RPS6KA3: variants seen among roughly 807,000 people sequenced by gnomAD.
RPS6KA3 encodes ribosomal protein S6 kinase A3.
Under a neutral mutation model 67.2 loss-of-function variants are expected in RPS6KA3, and 4 were observed. The ratio of observed to expected loss-of-function variants is 0.06; its 90% CI spans 0.03 to 0.14. The LOEUF (loss-of-function observed/expected upper bound fraction) is 0.14, where lower values mean the gene tolerates loss of function less well. Ranked by LOEUF, RPS6KA3 falls within the 10% of genes least tolerant of loss-of-function variation. The probability of loss-of-function intolerance (pLI) is 1.00; values close to 1 mark genes in which losing one functional copy is unlikely to be tolerated. For missense variants in RPS6KA3, 204 were observed against 559.0 expected (o/e 0.36, Z 6.40); for synonymous variants, 182 against 183.7 (o/e 0.99, Z 0.07).
At chrX:20,227,704 G>A (rs1397127244) in intron 2 of RPS6KA3, among the ~76,000 whole-genome samples, 3 of 109,554 alleles carry the variant, frequency 2.7e-5, no homozygotes, top group Non-Finnish European at 5.7e-5. Flanking sequence ...TTAAAATTTG[G>A]TATTTTAGTA....
In RPS6KA3 at chrX:20,257,069, C is replaced by A. The variant is rs776623827; in HGVS notation, c.69+9495G>T. Among the ~76,000 whole-genome samples the A allele has an allele frequency of 7.1e-5, 8 of 112,076 alleles. No homozygotes were observed. The South Asian group carries it at 3.0e-3, about 41-fold the overall frequency. ...GCTCCTTCAGTTACTAGCTGGGCAA[C>A]CATGAGCACGTTATTTAACCCTTCT... is the stretch of plus-strand genomic sequence containing the variant. On this transcript the variant is annotated intron_variant, in intron 1 of 21. Transcript: ENST00000379565.
chrX:20,218,934 C>A, intron 2 of RPS6KA3: 1 of 693,652 alleles, frequency 1.4e-6, no homozygotes, highest in East Asian at 3.4e-5. Flanking sequence ...CTCCTACCAG[C>A]TGTTCCGGCA....
chrX:20,160,259 G>A (rs768723332), intron 20 of RPS6KA3, among the ~76,000 whole-genome samples: 1 of 111,638 alleles, frequency 9.0e-6, no homozygotes, highest in East Asian at 2.8e-4. Context: ...ACCTGGGATT[G>A]GGAATTCTAT....
At chrX:20,214,873 CTG>C (rs1452000111) in intron 2 of RPS6KA3, among the ~76,000 whole-genome samples, 3 of 96,424 alleles carry the variant, frequency 3.1e-5, no homozygotes, top group Non-Finnish European at 6.1e-5. Context: ...GGGTCTCACT[CTG>C]TCACCCACGC....
intron 2 of RPS6KA3, among the ~76,000 whole-genome samples, chrX:20,225,599 C>T (rs1417771109): frequency 9.0e-6 from 1 of 111,098 alleles, no homozygotes; most frequent in Non-Finnish European, 1.9e-5. Flanking sequence ...TTTTCCCTGC[C>T]AATGAGCACT....
intron 1 of RPS6KA3, among the ~76,000 whole-genome samples, chrX:20,263,522 T>A (rs1227477908): frequency 4.5e-5 from 5 of 111,912 alleles, no homozygotes; most frequent in Non-Finnish European, 9.4e-5. Context: ...TTCTAGCCTA[T>A]CATGTTCTGA....
At chrX:20,172,533 A>T (rs1252947012) in intron 15 of RPS6KA3, among the ~76,000 whole-genome samples, 2 of 111,791 alleles carry the variant, frequency 1.8e-5, no homozygotes. Context: ...CTTGAGGTGT[A>T]AACTGCTACT....
intron 7 of RPS6KA3, among the ~76,000 whole-genome samples, chrX:20,191,906 C>T (rs1410324085): frequency 3.6e-5 from 4 of 110,536 alleles, no homozygotes; most frequent in African/African-American, 1.3e-4. Flanking sequence ...GCTGGGATTA[C>T]AGGTGTGCCC....
intron 1 of RPS6KA3, among the ~76,000 whole-genome samples, chrX:20,254,293 T>G (rs2069971912): frequency 8.9e-6 from 1 of 112,389 alleles, no homozygotes; most frequent in Non-Finnish European, 1.9e-5. Context: ...ACTTTTGCTT[T>G]AAATAAGAAA....
At chrX:20,167,105 A>G (rs1312289497) in intron 17 of RPS6KA3, among the ~76,000 whole-genome samples, 1 of 112,041 alleles carries the variant, frequency 8.9e-6, no homozygotes, top group Non-Finnish European at 1.9e-5. Flanking sequence ...GATTACAGGC[A>G]TAAGCTACCG....
chrX:20,256,172 C>CAAAAAAAAAAAAAAAAAAAAAAAA (rs35947983), intron 1 of RPS6KA3, among the ~76,000 whole-genome samples: 1 of 14,471 alleles, frequency 6.9e-5, no homozygotes, highest in African/African-American at 2.3e-4. Context: ...GACACCGTCT[C>CAAAAAAAAAAAAAAAAAAAAAAAA]AAAAAAAAAA....
intron 2 of RPS6KA3, among the ~76,000 whole-genome samples, chrX:20,234,099 G>A (rs1006459266): frequency 8.9e-5 from 10 of 112,508 alleles, no homozygotes; most frequent in African/African-American, 3.2e-4. Flanking sequence ...CACTTTCTAT[G>A]TTAAACGTAT....
At chrX:20,159,243 A>C (rs765154075) in intron 20 of RPS6KA3, among the ~76,000 whole-genome samples, 1 of 112,374 alleles carries the variant, frequency 8.9e-6, no homozygotes, top group Non-Finnish European at 1.9e-5. Flanking sequence ...GCAAAACCTT[A>C]CAAGTACTGT....
At chrX:20,236,630 C>T (rs1411175732) in intron 1 of RPS6KA3, among the ~76,000 whole-genome samples, 1 of 111,261 alleles carries the variant, frequency 9.0e-6, no homozygotes, top group African/African-American at 3.3e-5. Context: ...ACAAAGGGCA[C>T]CTTTCATTTT....
chrX:20,219,008 T>A, intron 2 of RPS6KA3: 1 of 419,516 alleles, frequency 2.4e-6, no homozygotes, highest in Admixed American at 4.4e-5. Context: ...ACAATTTTCC[T>A]GTGGTAAAAG....
intron 2 of RPS6KA3, among the ~76,000 whole-genome samples, chrX:20,219,283 C>CA (rs1324806344): frequency 1.8e-5 from 2 of 111,493 alleles, no homozygotes; most frequent in Non-Finnish European, 3.8e-5. Context: ...AACTGATGCA[C>CA]AAGTGGAATT....
intron 3 of RPS6KA3, among the ~76,000 whole-genome samples, chrX:20,208,434 G>A (rs957844322): frequency 1.8e-5 from 2 of 111,589 alleles, no homozygotes; most frequent in African/African-American, 6.5e-5. Context: ...TTGCATCTTC[G>A]GCCGGGCGTG....
chrX:20,159,312 G>C (rs966888271), intron 20 of RPS6KA3, among the ~76,000 whole-genome samples: 9 of 112,213 alleles, frequency 8.0e-5, no homozygotes, highest in Non-Finnish European at 1.9e-5. Context: ...TGTTAGCACA[G>C]TCCTTGGTAC....
intron 1 of RPS6KA3, 91 bp from the exon 2 acceptor site, chrX:20,234,905 G>C (rs1009528379): frequency 2.9e-6 from 2 of 693,318 alleles, no homozygotes; most frequent in Non-Finnish European, 4.6e-6. Context: ...AAAAAATTGA[G>C]GAAGATTTTC....
Sources: gnomAD v4.1 joint callset for allele counts (sites outside exome capture counted in the v4.1 genomes callset) on GRCh38, gnomAD v4.1.1 for gene constraint, MANE v1.5 for transcripts, NCBI Gene and HGNC (gene_info 2026-07-23, HGNC 2026-07-21) for gene names.